GLT8D2: variants seen among roughly 807,000 people sequenced by gnomAD.
The protein encoded by GLT8D2 is glycosyltransferase 8 domain containing 2.
GLT8D2 carries 45 observed loss-of-function variants against 44.5 expected under a neutral mutation model. The observed-to-expected ratio is 1.01, with a 90% CI of 0.80 to 1.30. The LOEUF (loss-of-function observed/expected upper bound fraction) is 1.30, where lower values mean the gene tolerates loss of function less well. Ranked by LOEUF, GLT8D2 falls within the 50% of genes most tolerant of loss-of-function variation. The pLI, the probability that GLT8D2 is intolerant of heterozygous loss-of-function variation, is 0.00. For missense variants in GLT8D2, 400 were observed against 430.4 expected, an observed-to-expected ratio of 0.93 and a Z score of 0.62; for synonymous variants, 156 against 157.2, an observed-to-expected ratio of 0.99 and a Z score of 0.06.
chr12:104,007,429 C>A (rs1311739800), intron 4 of GLT8D2, among the ~76,000 whole-genome samples: 1 of 152,146 alleles, frequency 6.6e-6, no homozygotes, highest in Admixed American at 6.5e-5. Context: ...TAATTTAAGA[C>A]ACATTGAATG....
At chr12:104,040,893 GTGAT>G (rs1356907813) in intron 1 of GLT8D2, among the ~76,000 whole-genome samples, 4 of 152,226 alleles carry the variant, frequency 2.6e-5, no homozygotes, top group South Asian at 4.1e-4. Flanking sequence ...CATTACAAAA[GTGAT>G]TGGGGAGTCA....
At chr12:104,040,446 G>T (rs1880410282) in intron 1 of GLT8D2, among the ~76,000 whole-genome samples, 1 of 151,936 alleles carries the variant, frequency 6.6e-6, no homozygotes, top group South Asian at 2.1e-4. Flanking sequence ...TTTCTTTTGG[G>T]ACGAAGTCTT....
intron 6 of GLT8D2, among the ~76,000 whole-genome samples, chr12:103,998,646 G>A (rs541362180): frequency 5.3e-5 from 8 of 152,222 alleles, no homozygotes; most frequent in East Asian, 3.9e-4. Flanking sequence ...CTGACCTCAC[G>A]ATCCGCCTGC....
rs748084033 is a variant in GLT8D2, at chr12:103,992,473, T to TTC, written c.880+917_880+918dup. Among the ~76,000 whole-genome samples, 372 of 150,326 alleles carry TTC rather than the reference T, an allele frequency of 2.5e-3. 6 individuals carry two copies. In the South Asian group the frequency reaches 0.035, roughly 14 times the overall value. ...GGTTTTGAAGTTTTGACAGTGAAAGTTCTCTCTCTCTCTCTCTCTTTTTTT... is the reference window on the plus strand; with the variant it reads ...GGTTTTGAAGTTTTGACAGTGAAAGTTCTCTCTCTCTCTCTCTCTCTTTTTTT... On this transcript the variant is annotated intron_variant, in intron 10 of 10. Transcript: ENST00000360814.
In GLT8D2 at chr12:103,993,360, GTTTTTCTAAACAGTT is replaced by G; in HGVS notation, c.880+17_880+31del. The G allele has an allele frequency of 3.3e-6, 5 of 1,510,248 alleles. No individual in the cohort carries two copies. The allele number at this position is 1,510,248 out of a possible 1,614,324, so 93.6% of individuals were successfully genotyped here. A position where few individuals can be genotyped will look rare whatever the true frequency, so the allele number is the denominator to read the frequency against. Reference sequence around the variant, plus strand: ...ATACAAAAATAAAATGGACATTTGCGTTTTTCTAAACAGTTTTTCTGAAATACTTACCCAGGTGCC... The same window carrying G: ...ATACAAAAATAAAATGGACATTTGCGTTTCTGAAATACTTACCCAGGTGCC... On this transcript the variant is annotated intron_variant, in intron 10 of 10. Transcript: ENST00000360814.
chr12:104,001,090 T>C (rs1283728834), intron 5 of GLT8D2, among the ~76,000 whole-genome samples: 2 of 152,224 alleles, frequency 1.3e-5, no homozygotes, highest in Admixed American at 1.3e-4. Flanking sequence ...CACATACATG[T>C]ACATGTACAC....
intron 1 of GLT8D2, among the ~76,000 whole-genome samples, chr12:104,040,139 G>C (rs528091795): frequency 6.6e-6 from 1 of 152,154 alleles, no homozygotes; most frequent in African/African-American, 2.4e-5. Flanking sequence ...AGACACCAGG[G>C]CCTGTCATGG....
intron 1 of GLT8D2, among the ~76,000 whole-genome samples, chr12:104,057,227 C>T (rs1156577627): frequency 2.0e-5 from 3 of 152,162 alleles, no homozygotes; most frequent in Non-Finnish European, 4.4e-5. Flanking sequence ...ACATTGAAAG[C>T]ACAAAGGAAA....
chr12:104,040,215 C>T (rs551341887), intron 1 of GLT8D2, among the ~76,000 whole-genome samples: 1 of 152,268 alleles, frequency 6.6e-6, no homozygotes, highest in East Asian at 1.9e-4. Flanking sequence ...TTAATGGGTG[C>T]AGCAAACTAA....
At chr12:104,017,412 T>A (rs530951859) in intron 3 of GLT8D2, among the ~76,000 whole-genome samples, 1 of 152,312 alleles carries the variant, frequency 6.6e-6, no homozygotes, top group East Asian at 1.9e-4. Context: ...AACCTCTGCC[T>A]CCTGGATTCA....
chr12:104,033,517 T>C (rs1421917702), intron 1 of GLT8D2, among the ~76,000 whole-genome samples: 2 of 152,000 alleles, frequency 1.3e-5, no homozygotes, highest in Admixed American at 6.6e-5. Context: ...AATGGGGAAA[T>C]GTCGGTCAAA....
intron 5 of GLT8D2, among the ~76,000 whole-genome samples, chr12:104,002,095 C>A (rs1176652681): frequency 6.6e-6 from 1 of 152,128 alleles, no homozygotes; most frequent in Non-Finnish European, 1.5e-5. Flanking sequence ...CCCACCTCAG[C>A]CTCCCGCTAT....
chr12:103,995,096 C>G (rs762497841), intron 8 of GLT8D2, among the ~76,000 whole-genome samples: 2 of 152,184 alleles, frequency 1.3e-5, no homozygotes, highest in Non-Finnish European at 2.9e-5. Flanking sequence ...TCTCTTGCCA[C>G]TACTACCACA....
intron 8 of GLT8D2, 102 bp downstream of exon 8, chr12:103,996,633 G>A: frequency 1.2e-6 from 1 of 805,154 alleles, no homozygotes; most frequent in Non-Finnish European, 2.1e-6. Context: ...TGGCCCATAA[G>A]GTTTTTGAGG....
chr12:104,014,298 G>A, intron 4 of GLT8D2: 2 of 700,790 alleles, frequency 2.9e-6, no homozygotes, highest in East Asian at 2.7e-5. Flanking sequence ...GAGGCTGCAG[G>A]GAGCTGCTAT....
chr12:104,034,404 G>C (rs1388131226), intron 1 of GLT8D2, among the ~76,000 whole-genome samples: 1 of 152,180 alleles, frequency 6.6e-6, no homozygotes, highest in Admixed American at 6.5e-5. Context: ...AGCTGTGACA[G>C]ACTTTACCTG....
chr12:104,059,979 A>C (rs926590523), intron 1 of GLT8D2, among the ~76,000 whole-genome samples: 3 of 152,152 alleles, frequency 2.0e-5, no homozygotes, highest in Non-Finnish European at 4.4e-5. Context: ...TTTCTAACTC[A>C]TGCTTCAGTT....
rs750464748 is a variant in GLT8D2 at position 103,989,582 on chromosome 12, A to C, written c.881-5T>G. 3 of 1,607,564 alleles carry C rather than the reference A, an allele frequency of 1.9e-6. No individual in the cohort carries two copies. The highest frequency in any genetic ancestry group is 1.7e-5 in the Admixed American group (1 of 58,656). The stretch of plus-strand genomic sequence containing the variant: ...ATCTGGCATCTGGATTCCAGCCTTC[A>C]TTGTGTATAGAGAAAAAATAATAGG... On this transcript the variant is annotated splice_region_variant and splice_polypyrimidine_tract_variant and intron_variant, in intron 10 of 10. Transcript: ENST00000360814.
chr12:104,025,283 A>G (rs1475503630), intron 1 of GLT8D2, among the ~76,000 whole-genome samples: 1 of 151,504 alleles, frequency 6.6e-6, no homozygotes, highest in Non-Finnish European at 1.5e-5. Context: ...ATCTTGGCCC[A>G]CTGCAACCTC....
Sources: allele counts gnomAD v4.1 joint callset (sites outside exome capture counted in the v4.1 genomes callset), GRCh38; gene constraint gnomAD v4.1.1; transcripts MANE v1.5; gene names NCBI Gene and HGNC (gene_info 2026-07-23, HGNC 2026-07-21).